The following DDC variants were observed in gnomAD, a reference collection of about 807,000 sequenced individuals.
DDC encodes aromatic-L-amino-acid decarboxylase.
A neutral mutation model predicts 60.0 loss-of-function variants in DDC; 43 were observed. That is an observed-to-expected ratio of 0.72 (90% CI 0.56 to 0.92). The LOEUF (loss-of-function observed/expected upper bound fraction) is 0.92. Ranked by LOEUF, DDC falls within the 40% of genes least tolerant of loss-of-function variation. The probability of loss-of-function intolerance (pLI) is 0.00; values close to 1 mark genes in which losing one functional copy is unlikely to be tolerated. For missense variants in DDC, 573 were observed against 620.2 expected (o/e 0.92, Z 0.81); for synonymous variants, 232 against 234.6 (o/e 0.99, Z 0.10).
chr7:50,546,668 G>A (rs1380095270), intron 1 of DDC, among the ~76,000 whole-genome samples: 4 of 152,182 alleles, frequency 2.6e-5, no homozygotes, highest in Admixed American at 2.0e-4. Flanking sequence ...TTACTTCCAT[G>A]TTCTCTGTTA....
chr7:50,517,712 A>T lies in DDC; in HGVS notation c.714+10425T>A, dbSNP rs1005730937. Among the ~76,000 whole-genome samples, 39 of 152,270 alleles carry T rather than the reference A, an allele frequency of 2.6e-4. 1 individual carries two copies. The highest frequency in any genetic ancestry group is 9.1e-4 in the African/African-American group (38 of 41,552). On this transcript the variant is annotated intron_variant, in intron 6 of 14. Transcript: ENST00000444124. The stretch of plus-strand genomic sequence containing the variant: ...CTCCAGAAAGCTCCTAAAACTGATA[A>T]AAGAATTCAGCAAAGTTTCTGGATA...
At chr7:50,526,326 C>G (rs1329668856) in intron 6 of DDC, among the ~76,000 whole-genome samples, 1 of 152,096 alleles carries the variant, frequency 6.6e-6, no homozygotes, top group East Asian at 1.9e-4. Context: ...ACCAAACACT[C>G]TAGAATTCTA....
At chr7:50,540,592 C>T (rs1372984530) in intron 2 of DDC, among the ~76,000 whole-genome samples, 1 of 152,192 alleles carries the variant, frequency 6.6e-6, no homozygotes, top group Non-Finnish European at 1.5e-5. Flanking sequence ...TCTAGAGGAG[C>T]TGAGGCCTTC....
At chr7:50,504,190 A>G (rs1237861653) in intron 6 of DDC, 131 bp from the exon 7 acceptor site, 7 of 723,530 alleles carry the variant, frequency 9.7e-6, no homozygotes, top group African/African-American at 7.0e-5. Context: ...TGTCTGCTAC[A>G]TGGAAACGTA....
intron 1 of DDC, among the ~76,000 whole-genome samples, chr7:50,557,971 G>A (rs2045238730): frequency 2.6e-5 from 4 of 151,842 alleles, no homozygotes; most frequent in African/African-American, 7.3e-5. Context: ...TTCATTCATG[G>A]TTGCTAATTT....
At chr7:50,543,721 T>C (rs1245203685) in intron 2 of DDC, among the ~76,000 whole-genome samples, 164 bp downstream of exon 2, 1 of 152,190 alleles carries the variant, frequency 6.6e-6, no homozygotes, top group African/African-American at 2.4e-5. Context: ...ACCTAACCTC[T>C]CTGAGCCTCA....
chr7:50,531,491 G>A (rs1269210825), intron 4 of DDC, among the ~76,000 whole-genome samples: 2 of 152,090 alleles, frequency 1.3e-5, no homozygotes, highest in South Asian at 2.1e-4. Context: ...GCGTTGGAAC[G>A]CAGGTGTTCA....
chr7:50,537,963 C>T lies in DDC; in HGVS notation c.332G>A (p.Cys111Tyr). 2.5e-6 allele frequency: 4 copies of T among 1,614,168 alleles called. No homozygotes were observed. The highest frequency in any genetic ancestry group is 3.4e-6 in the Non-Finnish European group (4 of 1,180,030). Reference protein sequence around the residue: ...IGFSWAASPACTELETVMMDW... With the variant: ...IGFSWAASPAYTELETVMMDW... Reference sequence around the variant, plus strand: ...CATCATCACAGTCTCCAGCTCTGTGCATGCTGGGCTTGCCGCCTGTCGTGG... The same window carrying T: ...CATCATCACAGTCTCCAGCTCTGTGTATGCTGGGCTTGCCGCCTGTCGTGG... The change falls in exon 4 of 15, where the codon TGC (cysteine) becomes TAC (tyrosine). Residue 111 changes from cysteine (C) to tyrosine (Y), a missense_variant. Transcript: ENST00000444124.
chr7:50,458,918 C>T (rs2042182632), intron 14 of DDC, 75 bp from the exon 15 acceptor site: 2 of 151,632 alleles, frequency 1.3e-5, no homozygotes, highest in Admixed American at 1.3e-4. Flanking sequence ...CTCTCCCTCT[C>T]CCTCTCCCTT....
chr7:50,539,609 C>T (rs1563040168), intron 3 of DDC, among the ~76,000 whole-genome samples: 1 of 152,216 alleles, frequency 6.6e-6, no homozygotes, highest in Admixed American at 6.5e-5. Context: ...TGGAGAAATG[C>T]AGATTCCCAG....
intron 9 of DDC, among the ~76,000 whole-genome samples, chr7:50,492,300 A>G (rs114773987): frequency 0.013 from 1,940 of 152,316 alleles, 38 homozygotes; most frequent in African/African-American, 0.045. Context: ...TAAAACACAA[A>G]TCTTTCAAAG....
chr7:50,460,581 G>A (rs1308900603), intron 14 of DDC, among the ~76,000 whole-genome samples: 1 of 151,634 alleles, frequency 6.6e-6, no homozygotes, highest in Non-Finnish European at 1.5e-5. Flanking sequence ...GGGCCATGAT[G>A]ACAATGGCGG....
intron 6 of DDC, among the ~76,000 whole-genome samples, chr7:50,516,163 A>T (rs1372641491): frequency 6.6e-6 from 1 of 152,182 alleles, no homozygotes; most frequent in Non-Finnish European, 1.5e-5. Flanking sequence ...TCCAAGATAG[A>T]CCATATAATA....
intron 6 of DDC, among the ~76,000 whole-genome samples, chr7:50,510,307 A>T (rs1363196606): frequency 6.6e-6 from 1 of 152,116 alleles, no homozygotes; most frequent in African/African-American, 2.4e-5. Flanking sequence ...CTTTGTTTAC[A>T]TAAGCTATTA....
chr7:50,528,350 G>A, intron 5 of DDC, 70 bp from the exon 6 acceptor site: 2 of 1,594,762 alleles, frequency 1.3e-6, no homozygotes, highest in Non-Finnish European at 8.6e-7. Context: ...CCCTGGATCG[G>A]CAGAGAGCAG....
At chr7:50,535,284 T>C (rs954793937) in intron 4 of DDC, among the ~76,000 whole-genome samples, 2 of 152,014 alleles carry the variant, frequency 1.3e-5, no homozygotes, top group Non-Finnish European at 2.9e-5. Flanking sequence ...GTAGCTGGGA[T>C]TATAGGTGCC....
At chr7:50,497,894 G>T (rs909760194) in intron 8 of DDC, among the ~76,000 whole-genome samples, 1 of 152,176 alleles carries the variant, frequency 6.6e-6, no homozygotes, top group African/African-American at 2.4e-5. Flanking sequence ...CAAAGATGGG[G>T]ACATTTGTAT....
At chr7:50,553,488 T>C (rs1245971649) in intron 1 of DDC, among the ~76,000 whole-genome samples, 17 of 138,806 alleles carry the variant, frequency 1.2e-4, no homozygotes, top group Non-Finnish European at 2.2e-4. Flanking sequence ...TCTTTTCTTT[T>C]TTTTTTTTTT....
chr7:50,537,615 T>C lies in DDC; in HGVS notation c.435+245A>G, dbSNP rs374741926. ...GAGATAGCGGCTGTGCTACCTACCA[T>C]AGCTAGGGGCCTGGGGAACTGAGTG... On this transcript the variant is annotated intron_variant, in intron 4 of 14. Coordinates refer to ENST00000444124, the MANE Select transcript of DDC (RefSeq NM_001082971.2). Among the ~76,000 whole-genome samples, 15 of 152,270 alleles carry C rather than the reference T, an allele frequency of 9.9e-5. No individual in the cohort carries two copies. In the South Asian group the frequency reaches 1.0e-3, roughly 11 times the overall value.
Sources: allele counts gnomAD v4.1 joint callset (sites outside exome capture counted in the v4.1 genomes callset), GRCh38; gene constraint gnomAD v4.1.1; transcripts MANE v1.5; gene names NCBI Gene and HGNC (gene_info 2026-07-23, HGNC 2026-07-21).